FA2H: variants seen among roughly 807,000 people sequenced by gnomAD.
FA2H encodes fatty acid 2-hydroxylase.
In FA2H, 22 loss-of-function variants were observed where a neutral mutation model predicts 44.9. The observed-to-expected ratio is 0.49, with a 90% confidence interval of 0.35 to 0.70. The LOEUF is 0.70. Ranked by LOEUF, FA2H falls within the 30% of genes least tolerant of loss-of-function variation. The pLI, the probability that FA2H is intolerant of heterozygous loss-of-function variation, is 0.01. For synonymous variants in FA2H, 243 were observed against 213.2 expected (o/e 1.14, Z -1.22); for missense variants, 501 against 504.9 (o/e 0.99, Z 0.07).
At chr16:74,718,689 A>ACTGGGCATTTG in intron 5 of FA2H, among the ~76,000 whole-genome samples, 1 of 152,366 alleles carries the variant, frequency 6.6e-6, no homozygotes, top group South Asian at 2.1e-4. Flanking sequence ...GGAGGCACTC[A>ACTGGGCATTTG]CTGGGCATTT....
intron 1 of FA2H, among the ~76,000 whole-genome samples, chr16:74,746,377 TA>T (rs60516263): frequency 0.46 from 59,387 of 128,408 alleles, 12,230 homozygotes; most frequent in Admixed American, 0.52. Flanking sequence ...TTATTATTAT[TA>T]TTTTTTTTTT....
intron 2 of FA2H, among the ~76,000 whole-genome samples, chr16:74,739,406 C>T (rs763694362): frequency 2.0e-5 from 3 of 152,130 alleles, no homozygotes; most frequent in Non-Finnish European, 2.9e-5. Context: ...TCTCCCCTGC[C>T]GCTGAGTGAC....
intron 1 of FA2H, among the ~76,000 whole-genome samples, chr16:74,770,069 C>A (rs113616939): frequency 2.0e-5 from 3 of 152,352 alleles, no homozygotes; most frequent in African/African-American, 7.2e-5. Flanking sequence ...CATCCAAGGG[C>A]TAAACCAGCA....
intron 1 of FA2H, among the ~76,000 whole-genome samples, chr16:74,753,251 A>G (rs926248934): frequency 2.0e-5 from 3 of 152,250 alleles, no homozygotes; most frequent in East Asian, 1.9e-4. Context: ...ACTAGAGCAC[A>G]GTCTTAGGCT....
chr16:74,726,293 T>C lies in FA2H; in HGVS notation c.545A>G (p.Tyr182Cys), dbSNP rs1438025005. The C allele has an allele frequency of 2.5e-6, 4 of 1,613,942 alleles. No individual in the cohort carries two copies. Among genetic ancestry groups the C allele is most frequent in the Non-Finnish European group, 1.7e-6 (2 of 1,179,992 alleles). Reference protein sequence around the residue: ...VPIIWVPLVLYLSWSYYRTFA... With the variant: ...VPIIWVPLVLCLSWSYYRTFA... ...GGTTCGGTAGTAGGACCAGCTGAGA[T>C]ACAGCACCAGGGGCACCCAGATGAT... is the stretch of plus-strand genomic sequence containing the variant. Residue 182 changes from tyrosine to cysteine, a missense_variant, in exon 4 of 7, where the codon TAT (tyrosine) becomes TGT (cysteine). By Grantham distance (194) the Tyr-to-Cys change is radical (BLOSUM62 -2). Transcript: ENST00000219368.
Position 74,739,338 on chromosome 16 carries a change from TCCCTCCAGTGACC to T in FA2H, c.363+672_363+684del, listed in dbSNP as rs538749047. Reference sequence around the variant, plus strand: ...GGAAGGAAATGGCACCAAGCCCAGCTCCCTCCAGTGACCCCCTCCAGTGACCCCCTCCAGTGAC... The same window carrying T: ...GGAAGGAAATGGCACCAAGCCCAGCTCCCTCCAGTGACCCCCTCCAGTGAC... On this transcript the variant is annotated intron_variant, in intron 2 of 6. Transcript: ENST00000219368. 2.8e-4 allele frequency among the ~76,000 whole-genome samples: 42 copies of T among 152,058 alleles called. 1 individual carries two copies. The highest frequency in any genetic ancestry group is 1.4e-3 in the Admixed American group (21 of 15,276).
At chr16:74,752,319 C>T (rs934521084) in intron 1 of FA2H, among the ~76,000 whole-genome samples, 4 of 152,086 alleles carry the variant, frequency 2.6e-5, no homozygotes, top group Non-Finnish European at 4.4e-5. Context: ...CTCCAGTGGC[C>T]GCCCTTGGTT....
chr16:74,721,554 G>C (rs73614670), intron 4 of FA2H, among the ~76,000 whole-genome samples: 248 of 152,232 alleles, frequency 1.6e-3, no homozygotes, highest in African/African-American at 5.8e-3. Flanking sequence ...ACCTGCCTTT[G>C]TACCCCATAC....
At chr16:74,725,927 G>T in intron 4 of FA2H, 1 of 404,678 alleles carries the variant, frequency 2.5e-6, no homozygotes, top group Non-Finnish European at 4.7e-6. Flanking sequence ...GTGTCTTTTG[G>T]TGTGACACTC....
chr16:74,714,461 A>G (rs1961650002), intron 6 of FA2H, among the ~76,000 whole-genome samples, 192 bp from the exon 7 acceptor site: 1 of 152,210 alleles, frequency 6.6e-6, no homozygotes, highest in African/African-American at 2.4e-5. Flanking sequence ...TGTCCCCAGC[A>G]TGAAGCTGGA....
At chr16:74,747,637 A>G (rs1962450408) in intron 1 of FA2H, among the ~76,000 whole-genome samples, 1 of 152,036 alleles carries the variant, frequency 6.6e-6, no homozygotes, top group Admixed American at 6.6e-5. Flanking sequence ...AGATGGAAGG[A>G]GAGATGGGAG....
chr16:74,716,646 G>A (rs1409742011), intron 5 of FA2H, 47 bp from the exon 6 acceptor site: 1 of 1,516,584 alleles, frequency 6.6e-7, no homozygotes. Context: ...AGGGGCCCCG[G>A]CAGCTGGCCA....
At chr16:74,746,526 G>C (rs1448314029) in intron 1 of FA2H, among the ~76,000 whole-genome samples, 1 of 151,990 alleles carries the variant, frequency 6.6e-6, no homozygotes, top group Non-Finnish European at 1.5e-5. Flanking sequence ...GCCTGGCCCT[G>C]ATTTCTATGA....
At chr16:74,727,168 C>A in intron 3 of FA2H, 76 bp downstream of exon 3, 1 of 1,584,310 alleles carries the variant, frequency 6.3e-7, no homozygotes, top group South Asian at 1.1e-5. Context: ...GACTCAATTG[C>A]CCCCTCCCTT....
intron 1 of FA2H, among the ~76,000 whole-genome samples, chr16:74,761,462 G>A (rs12935568): frequency 0.015 from 180 of 12,296 alleles, 4 homozygotes; most frequent in African/African-American, 0.021. Flanking sequence ...CAAAAAAAAA[G>A]AAAGAAAGAA....
chr16:74,743,155 AT>A (rs975783864), intron 1 of FA2H, among the ~76,000 whole-genome samples: 1 of 152,092 alleles, frequency 6.6e-6, no homozygotes, highest in Non-Finnish European at 1.5e-5. Flanking sequence ...CCCGACCTCT[AT>A]TTTACAGTAT....
At chr16:74,725,738 C>G (rs573945918) in intron 4 of FA2H, among the ~76,000 whole-genome samples, 11 of 152,326 alleles carry the variant, frequency 7.2e-5, no homozygotes, top group Non-Finnish European at 1.5e-4. Flanking sequence ...TACTCCCAGT[C>G]TGGGGGTCTG....
intron 1 of FA2H, among the ~76,000 whole-genome samples, chr16:74,770,186 G>C (rs528113418): frequency 1.2e-4 from 19 of 152,220 alleles, no homozygotes; most frequent in South Asian, 1.2e-3. Flanking sequence ...TCCAGAGACA[G>C]GGGGCTCTAA....
chr16:74,763,140 GTCTT>G (rs1962743668), intron 1 of FA2H, among the ~76,000 whole-genome samples: 1 of 152,118 alleles, frequency 6.6e-6, no homozygotes, highest in Admixed American at 6.5e-5. Flanking sequence ...AAAATTTGAG[GTCTT>G]TCTTTGATCT....
Sources: gnomAD v4.1 joint callset for allele counts (sites outside exome capture counted in the v4.1 genomes callset) on GRCh38, gnomAD v4.1.1 for gene constraint, MANE v1.5 for transcripts, NCBI Gene and HGNC (gene_info 2026-07-23, HGNC 2026-07-21) for gene names.